The following LIPA variants were observed in gnomAD, a reference collection of about 807,000 sequenced individuals.
LIPA encodes lysosomal acid lipase/cholesteryl ester hydrolase.
Under a neutral mutation model 40.6 loss-of-function variants are expected in LIPA, and 26 were observed. The observed-to-expected ratio is 0.64, with a 90% confidence interval of 0.47 to 0.89. The LOEUF is 0.89. Ranked by LOEUF, LIPA falls within the 40% of genes least tolerant of loss-of-function variation. LIPA has a pLI of 0.00. For synonymous variants in LIPA, 188 were observed against 168.4 expected, an observed-to-expected ratio of 1.12 and a Z score of -0.90; for missense variants, 455 against 479.6, an observed-to-expected ratio of 0.95 and a Z score of 0.48.
chr10:89,338,795 C>T (rs778196760), intron 1 of LIPA: 3 of 1,614,118 alleles, frequency 1.9e-6, no homozygotes, highest in Admixed American at 1.7e-5. Flanking sequence ...TTTTTAAACA[C>T]TGAGTTCAAA....
chr10:89,238,410 T>C (rs1299785189), intron 3 of LIPA, among the ~76,000 whole-genome samples: 2 of 152,176 alleles, frequency 1.3e-5, no homozygotes, highest in Non-Finnish European at 2.9e-5. Flanking sequence ...TTTACAACAC[T>C]GACGCTTCTA....
At chr10:89,306,286 C>A (rs778648084) in intron 1 of LIPA, 1 of 1,614,038 alleles carries the variant, frequency 6.2e-7, no homozygotes, top group Non-Finnish European at 8.5e-7. Flanking sequence ...TGGGCCGACT[C>A]TCAGACGTTC....
intron 1 of LIPA, among the ~76,000 whole-genome samples, chr10:89,287,443 T>C (rs181041176): frequency 3.4e-4 from 52 of 152,218 alleles, no homozygotes; most frequent in Admixed American, 2.8e-3. Context: ...ACCTGCCCAG[T>C]TCCCTTATTA....
chr10:89,401,683 G>T (rs1276805142), intron 2 of LIPA, among the ~76,000 whole-genome samples: 1 of 151,770 alleles, frequency 6.6e-6, no homozygotes, highest in African/African-American at 2.4e-5. Flanking sequence ...TATTATAGTT[G>T]TGTAAGATAT....
intron 2 of LIPA, among the ~76,000 whole-genome samples, chr10:89,351,635 T>A (rs1293539913): frequency 6.6e-6 from 1 of 152,180 alleles, no homozygotes; most frequent in Non-Finnish European, 1.5e-5. Flanking sequence ...ATATGTGAAT[T>A]CTGGATTTCA....
At chr10:89,376,110 C>T (rs1589625669) in intron 2 of LIPA, among the ~76,000 whole-genome samples, 1 of 150,498 alleles carries the variant, frequency 6.6e-6, no homozygotes, top group South Asian at 2.1e-4. Context: ...ATCACTTGAA[C>T]CTGGGAGGCA....
At chr10:89,393,183 G>A in intron 2 of LIPA, 2 of 1,290,288 alleles carry the variant, frequency 1.6e-6, no homozygotes, top group South Asian at 2.5e-5. Flanking sequence ...GATGTCTTGT[G>A]GGTAATACAG....
intron 1 of LIPA, among the ~76,000 whole-genome samples, chr10:89,310,408 T>G (rs1362305639): frequency 1.3e-5 from 2 of 152,150 alleles, no homozygotes; most frequent in Non-Finnish European, 2.9e-5. Flanking sequence ...ATAACACAGA[T>G]AGGCCTTGTG....
chr10:89,239,436 T>C (rs1842941073), intron 3 of LIPA, among the ~76,000 whole-genome samples: 2 of 152,258 alleles, frequency 1.3e-5, no homozygotes, highest in South Asian at 2.1e-4. Flanking sequence ...CACCTGATGA[T>C]TCACACAGGG....
chr10:89,259,924 G>C (rs776753725), intron 1 of LIPA, among the ~76,000 whole-genome samples: 1 of 152,132 alleles, frequency 6.6e-6, no homozygotes, highest in African/African-American at 2.4e-5. Flanking sequence ...GAGAGGCATG[G>C]GGAAACTTGG....
At chr10:89,374,513 A>G (rs1029712640) in intron 2 of LIPA, among the ~76,000 whole-genome samples, 4 of 152,214 alleles carry the variant, frequency 2.6e-5, no homozygotes, top group Non-Finnish European at 4.4e-5. Flanking sequence ...TTCAGTGACC[A>G]CATGACAAAC....
intron 1 of LIPA, among the ~76,000 whole-genome samples, chr10:89,321,909 G>C (rs1245388152): frequency 6.6e-6 from 1 of 152,188 alleles, no homozygotes; most frequent in Non-Finnish European, 1.5e-5. Flanking sequence ...ATGAGTTCAT[G>C]TCCTTTGTAG....
At chr10:89,297,224 T>G (rs547219477) in intron 1 of LIPA, among the ~76,000 whole-genome samples, 1 of 152,264 alleles carries the variant, frequency 6.6e-6, no homozygotes, top group East Asian at 1.9e-4. Flanking sequence ...ACATCCCTCC[T>G]GCAAACTGCT....
chr10:89,329,578 T>A (rs1161056142), intron 1 of LIPA, among the ~76,000 whole-genome samples: 9 of 152,216 alleles, frequency 5.9e-5, no homozygotes, highest in East Asian at 3.9e-4. Flanking sequence ...GCTAAAAATT[T>A]CCAAATGGGA....
intron 2 of LIPA, among the ~76,000 whole-genome samples, chr10:89,370,407 T>G (rs1293177475): frequency 6.6e-6 from 1 of 151,768 alleles, no homozygotes; most frequent in Admixed American, 6.6e-5. Context: ...TTTTTTAATT[T>G]TATTTTTTGT....
intron 2 of LIPA, among the ~76,000 whole-genome samples, chr10:89,381,944 A>G (rs1844166570): frequency 6.6e-6 from 1 of 151,556 alleles, no homozygotes; most frequent in Non-Finnish European, 1.5e-5. Flanking sequence ...AATTTTTTGT[A>G]TTTTTAGTAG....
intron 3 of LIPA, among the ~76,000 whole-genome samples, chr10:89,243,110 C>T (rs1369887975): frequency 2.0e-5 from 3 of 152,262 alleles, no homozygotes; most frequent in South Asian, 2.1e-4. Flanking sequence ...GAAGAGGACG[C>T]GTTTCACTTT....
intron 2 of LIPA, among the ~76,000 whole-genome samples, chr10:89,355,871 C>T (rs1166673211): frequency 6.6e-6 from 1 of 152,198 alleles, no homozygotes; most frequent in African/African-American, 2.4e-5. Flanking sequence ...AGAAGTTAAC[C>T]TATATGGTCT....
intron 1 of LIPA, among the ~76,000 whole-genome samples, chr10:89,275,747 T>C (rs986021244): frequency 6.6e-6 from 1 of 152,224 alleles, no homozygotes; most frequent in Non-Finnish European, 1.5e-5. Flanking sequence ...TCTGTCGTTT[T>C]GTGAAAATTA....
Sources: gnomAD v4.1 joint callset for allele counts (sites outside exome capture counted in the v4.1 genomes callset) on GRCh38, gnomAD v4.1.1 for gene constraint, MANE v1.5 for transcripts, NCBI Gene and HGNC (gene_info 2026-07-23, HGNC 2026-07-21) for gene names.